MYO3B: variants seen among roughly 807,000 people sequenced by gnomAD.
MYO3B encodes myosin-IIIb.
A neutral mutation model predicts 174.6 loss-of-function variants in MYO3B; 156 were observed. The ratio of observed to expected loss-of-function variants is 0.89; its 90% CI spans 0.78 to 1.02. MYO3B has a LOEUF of 1.02. Ranked by LOEUF, MYO3B falls within the 50% of genes least tolerant of loss-of-function variation. The pLI is 0.00. For synonymous variants in MYO3B, 563 were observed against 569.1 expected (o/e 0.99, Z 0.15); for missense variants, 1,632 against 1,639.4 (o/e 1.00, Z 0.08).
intron 30 of MYO3B, 40 bp downstream of exon 30, chr2:170,519,580 G>A (rs1283836874): frequency 6.8e-7 from 1 of 1,466,376 alleles, no homozygotes; most frequent in East Asian, 2.3e-5. Flanking sequence ...TGTAAACTCA[G>A]GTGCTCCATT....
intron 7 of MYO3B, among the ~76,000 whole-genome samples, chr2:170,303,563 A>T (rs2093680136): frequency 6.6e-6 from 1 of 152,100 alleles, no homozygotes; most frequent in Admixed American, 6.6e-5. Context: ...TGTACAGATG[A>T]TTTCATCACT....
At chr2:170,649,098 ATATTATATATAAAATAATATATAATG>A (rs1248065266) in intron 32 of MYO3B, among the ~76,000 whole-genome samples, 1,515 of 75,318 alleles carry the variant, frequency 0.02, 225 homozygotes, top group African/African-American at 0.11. Context: ...TATATAATGT[ATATTATATATAAAATAATATATAATG>A]TATATAAAAT....
chr2:170,633,244 C>G (rs1328821037), intron 32 of MYO3B, among the ~76,000 whole-genome samples: 1 of 152,186 alleles, frequency 6.6e-6, no homozygotes, highest in Non-Finnish European at 1.5e-5. Context: ...CAAACCAAAT[C>G]CAGCAGCACA....
chr2:170,515,664 T>A (rs757288721), intron 29 of MYO3B, among the ~76,000 whole-genome samples: 1 of 151,974 alleles, frequency 6.6e-6, no homozygotes, highest in African/African-American at 2.4e-5. Flanking sequence ...GAGGCTATGA[T>A]TTTTGAAGTA....
chr2:170,411,351 T>C (rs2094544868), intron 22 of MYO3B, among the ~76,000 whole-genome samples: 1 of 152,212 alleles, frequency 6.6e-6, no homozygotes, highest in South Asian at 2.1e-4. Flanking sequence ...AATGATATAA[T>C]CTACTATACA....
chr2:170,289,775 G>C (rs2093583546), intron 7 of MYO3B, among the ~76,000 whole-genome samples: 2 of 151,722 alleles, frequency 1.3e-5, no homozygotes, highest in Admixed American at 1.3e-4. Context: ...AGTTCCTTGA[G>C]GGGTGTCATT....
rs1051003927 is a variant in MYO3B, at chr2:170,647,019, G to A, written c.3734-4609G>A. On this transcript the variant is annotated intron_variant, in intron 32 of 34. Transcript: ENST00000408978. Reference sequence around the variant, plus strand: ...TTTGTTACTGTCCATCATATGGAACGTTTTACTTTAATATAATTAAACGCA... The same window carrying A: ...TTTGTTACTGTCCATCATATGGAACATTTTACTTTAATATAATTAAACGCA... 4.3e-5 allele frequency: 36 copies of A among 830,874 alleles called. No individual in the cohort carries two copies. In the African/African-American group the frequency reaches 4.8e-4, roughly 11 times the overall value. 51.5% of individuals were successfully genotyped at this position (830,874 alleles called of 1,614,324 possible).
chr2:170,509,803 T>TA (rs1687867818), intron 28 of MYO3B, among the ~76,000 whole-genome samples: 1 of 152,170 alleles, frequency 6.6e-6, no homozygotes, highest in Admixed American at 6.5e-5. Flanking sequence ...ATCACCAGAT[T>TA]TGTTGCCTTC....
chr2:170,221,821 C>G (rs1346856714), intron 6 of MYO3B, among the ~76,000 whole-genome samples: 1 of 152,160 alleles, frequency 6.6e-6, no homozygotes, highest in Non-Finnish European at 1.5e-5. Flanking sequence ...TCTGCTTCAG[C>G]CTCCCGAGTA....
Position 170,501,800 on chromosome 2 carries a change from A to G in MYO3B, c.3305A>G (p.Asp1102Gly), listed in dbSNP as rs1476872599. The change falls in exon 28 of 35, where the codon GAT becomes GGT. Residue 1102 changes from aspartate to glycine, a missense_variant. Transcript: ENST00000408978. ...IAIQSAWRGY[D>G]ARRKFKKISN... is the part of the protein sequence containing the mutation. ...ATATTTTTAGCCTGGAGAGGATATG[A>G]TGCTCGGAGGAAATTTAAGAAAATA... 2 of 1,610,846 alleles carry G rather than the reference A, an allele frequency of 1.2e-6. No individual in the cohort carries two copies. Among genetic ancestry groups the G allele is most frequent in the African/African-American group, 2.7e-5 (2 of 74,868 alleles).
intron 8 of MYO3B, chr2:170,341,477 T>C (rs1044082574): frequency 1.3e-5 from 2 of 152,216 alleles, no homozygotes; most frequent in Admixed American, 1.3e-4. Context: ...CTTCACAAAT[T>C]CATAATTTTA....
intron 7 of MYO3B, among the ~76,000 whole-genome samples, chr2:170,256,039 C>T (rs1281222814): frequency 6.6e-6 from 1 of 152,156 alleles, no homozygotes. Flanking sequence ...CTGAGAATTT[C>T]AGAGCTTGAA....
chr2:170,422,353 C>G (rs1249968672), intron 22 of MYO3B, among the ~76,000 whole-genome samples: 1 of 152,172 alleles, frequency 6.6e-6, no homozygotes, highest in Admixed American at 6.5e-5. Context: ...CAGGCATGAG[C>G]CACTGCACCT....
At chr2:170,531,098 T>C (rs182546310) in intron 30 of MYO3B, among the ~76,000 whole-genome samples, 2 of 152,336 alleles carry the variant, frequency 1.3e-5, no homozygotes, top group African/African-American at 2.4e-5. Flanking sequence ...TCTGCTGACA[T>C]TGACACAGAT....
intron 32 of MYO3B, among the ~76,000 whole-genome samples, chr2:170,551,670 C>G (rs2355890): frequency 0.77 from 116,503 of 151,504 alleles, 45,320 homozygotes; most frequent in African/African-American, 0.87. Context: ...GTCTTAATCC[C>G]CAATCCAATT....
intron 7 of MYO3B, among the ~76,000 whole-genome samples, chr2:170,271,334 A>G (rs933812875): frequency 3.3e-5 from 5 of 152,218 alleles, no homozygotes; most frequent in African/African-American, 1.2e-4. Flanking sequence ...ATGGAATCTT[A>G]TAGGTAGCTC....
Position 170,581,979 on chromosome 2 carries a change from T to G in MYO3B, c.3733+37991T>G, listed in dbSNP as rs115918648. 6.6e-3 allele frequency among the ~76,000 whole-genome samples: 999 copies of G among 152,296 alleles called. 6 individuals carry two copies. Among genetic ancestry groups the G allele is most frequent in the African/African-American group, 0.023 (951 of 41,552 alleles). On this transcript the variant is annotated intron_variant, in intron 32 of 34. Transcript: ENST00000408978. ...CACCCCCAAAAGTTGAGGATCACCT[T>G]AATGTAATGTGGGATATACACCAAG... is the stretch of plus-strand genomic sequence containing the variant.
Position 170,292,886 on chromosome 2 carries a change from A to T in MYO3B, c.750-42499A>T, listed in dbSNP as rs576966876. 5.3e-5 allele frequency among the ~76,000 whole-genome samples: 8 copies of T among 152,294 alleles called. No homozygotes were observed. In the East Asian group the frequency reaches 1.3e-3, roughly 26 times the overall value. On this transcript the variant is annotated intron_variant, in intron 7 of 34. Transcript: ENST00000408978. ...CACCTTTGTCTTTGCAGGCAGTATG[A>T]TGCTTCCAGTGGGTAGAGGCAAGTA...
At chr2:170,456,543 G>A (rs1248644716) in intron 23 of MYO3B, among the ~76,000 whole-genome samples, 1 of 152,096 alleles carries the variant, frequency 6.6e-6, no homozygotes, top group Admixed American at 6.5e-5. Flanking sequence ...TCAACATGGG[G>A]TATATGTTTC....
Sources: gnomAD v4.1 joint callset for allele counts (sites outside exome capture counted in the v4.1 genomes callset) on GRCh38, gnomAD v4.1.1 for gene constraint, MANE v1.5 for transcripts, NCBI Gene and HGNC (gene_info 2026-07-23, HGNC 2026-07-21) for gene names.